PTDSS2: variants seen among roughly 807,000 people sequenced by gnomAD.
The protein encoded by PTDSS2 is phosphatidylserine synthase 2, also known as PSS-2.
Under a neutral mutation model 64.7 loss-of-function variants are expected in PTDSS2, and 41 were observed. The ratio of observed to expected loss-of-function variants is 0.63; its 90% CI spans 0.49 to 0.82. PTDSS2 has a LOEUF of 0.82. Among genes scored for constraint, PTDSS2 ranks in the 40% least tolerant of loss-of-function variants. PTDSS2 has a pLI of 0.00. For synonymous variants in PTDSS2, 297 were observed against 277.8 expected (o/e 1.07, Z -0.69); for missense variants, 485 against 650.0 (o/e 0.75, Z 2.76).
At chr11:474,327 C>T (rs1847620395) in intron 3 of PTDSS2, among the ~76,000 whole-genome samples, 1 of 149,194 alleles carries the variant, frequency 6.7e-6, no homozygotes, top group South Asian at 2.1e-4. Flanking sequence ...GTGAGGGCAC[C>T]AGATGGGGCT....
At chr11:487,247 C>A (rs932652296) in intron 5 of PTDSS2, 173 bp from the exon 6 acceptor site, 2 of 937,544 alleles carry the variant, frequency 2.1e-6, no homozygotes, top group African/African-American at 1.6e-5. Context: ...CAGGGGGCCC[C>A]TGCTCTCTAG....
intron 2 of PTDSS2, among the ~76,000 whole-genome samples, chr11:466,316 CTG>C (rs1424998596): frequency 1.3e-5 from 2 of 151,886 alleles, no homozygotes; most frequent in East Asian, 1.9e-4. Flanking sequence ...CGTACAATCA[CTG>C]TGGAAGGCAA....
At chr11:487,263 C>T (rs886135963) in intron 5 of PTDSS2, 157 bp from the exon 6 acceptor site, 19 of 915,158 alleles carry the variant, frequency 2.1e-5, no homozygotes, top group Non-Finnish European at 3.1e-5. Flanking sequence ...TCTAGGCTGT[C>T]GTGGACGTGG....
At chr11:466,651 C>T (rs568735216) in intron 2 of PTDSS2, among the ~76,000 whole-genome samples, 40 of 152,116 alleles carry the variant, frequency 2.6e-4, no homozygotes, top group African/African-American at 9.2e-4. Context: ...TCAAGTGATC[C>T]GCCCACCTCG....
At chr11:449,085 T>TTTTTG (rs1846211444), upstream of PTDSS2, among the ~76,000 whole-genome samples, 1 of 151,426 alleles carries the variant, frequency 6.6e-6, no homozygotes, top group Non-Finnish European at 1.5e-5. Context: ...TTTTTTTTTT[T>TTTTTG]GAGACGGAGT....
chr11:456,083 G>T, intron 1 of PTDSS2, among the ~76,000 whole-genome samples: 1 of 152,126 alleles, frequency 6.6e-6, no homozygotes, highest in Non-Finnish European at 1.5e-5. Flanking sequence ...CAGAGCCACC[G>T]CGCTCCTGGC....
chr11:454,310 C>T (rs530486531), intron 1 of PTDSS2, among the ~76,000 whole-genome samples: 3 of 152,238 alleles, frequency 2.0e-5, no homozygotes, highest in South Asian at 4.1e-4. Flanking sequence ...GCTGGGCACT[C>T]GGTGGCCACC....
chr11:477,937 C>T (rs1161882226), intron 3 of PTDSS2, among the ~76,000 whole-genome samples: 1 of 152,224 alleles, frequency 6.6e-6, no homozygotes, highest in Admixed American at 6.5e-5. Flanking sequence ...CTAAGAACGC[C>T]AGGGCGTTTG....
chr11:454,472 G>C (rs535013827), intron 1 of PTDSS2, among the ~76,000 whole-genome samples: 9 of 152,304 alleles, frequency 5.9e-5, no homozygotes, highest in African/African-American at 2.2e-4. Flanking sequence ...GTGAGTGTTG[G>C]GTTGGTGGCC....
At chr11:468,799 CTCTGGGTAATCGGAGGAGGGGAG>C (rs1316906105) in intron 2 of PTDSS2, among the ~76,000 whole-genome samples, 21 of 117,474 alleles carry the variant, frequency 1.8e-4, no homozygotes, top group African/African-American at 5.1e-4. Context: ...GGAGGGGAGT[CTCTGGGTAATCGGAGGAGGGGAG>C]TCTGGGTAAT....
In PTDSS2 at chr11:460,485, A is replaced by G. The variant is rs1846826606; in HGVS notation, c.284+197A>G. 1 of 560,452 alleles carries G rather than the reference A, an allele frequency of 1.8e-6. No individual in the cohort carries two copies. The highest frequency in any genetic ancestry group is 3.2e-6 in the Non-Finnish European group (1 of 310,888). 34.7% of individuals were successfully genotyped at this position (560,452 alleles called of 1,614,324 possible). A position where few individuals can be genotyped will look rare whatever the true frequency, so the allele number is the denominator to read the frequency against. ...TTGGTGCTGCGTGGCGTTCCCGGTC[A>G]GCCCCCGTCGCCTGTCACTGGGAGC... On this transcript the variant is annotated intron_variant, in intron 2 of 11. Transcript: ENST00000308020. This position sits in a 1 kb window ranked among gnomAD's most constrained non-coding sequence, Gnocchi z 5.8.
At chr11:487,258 G>A (rs1848436097) in intron 5 of PTDSS2, 162 bp from the exon 6 acceptor site, 1 of 911,118 alleles carries the variant, frequency 1.1e-6, no homozygotes, top group Non-Finnish European at 1.7e-6. Flanking sequence ...TGCTCTCTAG[G>A]CTGTCGTGGA....
intron 8 of PTDSS2, among the ~76,000 whole-genome samples, chr11:489,177 T>C (rs1173440173): frequency 1.3e-5 from 2 of 152,148 alleles, no homozygotes; most frequent in African/African-American, 2.4e-5. Flanking sequence ...AAGCAGGGCT[T>C]GTAGCTGGGT....
intron 2 of PTDSS2, among the ~76,000 whole-genome samples, chr11:466,545 C>G (rs1264350274): frequency 6.6e-6 from 1 of 151,744 alleles, no homozygotes; most frequent in East Asian, 1.9e-4. Context: ...GTAGCTGGGA[C>G]TACAGGCATG....
chr11:481,351 A>G (rs964374566), intron 4 of PTDSS2, among the ~76,000 whole-genome samples: 2 of 152,204 alleles, frequency 1.3e-5, no homozygotes, highest in African/African-American at 4.8e-5. Flanking sequence ...GCGTTTCCAA[A>G]TGAATGTGAG....
rs2133773991 is a variant in PTDSS2, at chr11:462,647, T to C, written c.284+2359T>C. ...TGAAATTGCCGTGGTGCACCTGTCC[T>C]GAGTCCATTCTCATGGCCTGGACCC... On this transcript the variant is annotated intron_variant, in intron 2 of 11. Coordinates refer to ENST00000308020, the MANE Select transcript of PTDSS2 (RefSeq NM_030783.3). The surrounding 1 kb of genome is among the most constrained non-coding windows in gnomAD (Gnocchi z 4.5). Among the ~76,000 whole-genome samples the C allele has an allele frequency of 6.6e-6, 1 of 152,278 alleles. No homozygotes were observed.
chr11:475,148 C>CACATTCACGTGTTTGTGTGTA (rs1847702936), intron 3 of PTDSS2, among the ~76,000 whole-genome samples: 6 of 135,304 alleles, frequency 4.4e-5, no homozygotes, highest in South Asian at 2.4e-4. Flanking sequence ...TTGTGTGATA[C>CACATTCACGTGTTTGTGTGTA]GGACATATTC....
At chr11:455,608 T>C (rs936134828) in intron 1 of PTDSS2, among the ~76,000 whole-genome samples, 2 of 152,148 alleles carry the variant, frequency 1.3e-5, no homozygotes, top group Non-Finnish European at 2.9e-5. Context: ...TTTGGAGAGG[T>C]CCCTGCTGTT....
intron 2 of PTDSS2, chr11:463,133 C>T (rs1846968338): frequency 1.3e-5 from 2 of 150,666 alleles, no homozygotes; most frequent in African/African-American, 4.9e-5. Context: ...CACTACTGCA[C>T]TCCACCTGCC....
Sources: gnomAD v4.1 joint callset for allele counts (sites outside exome capture counted in the v4.1 genomes callset) on GRCh38, gnomAD v4.1.1 for gene constraint, Gnocchi (gnomAD v3.1) non-coding constraint, MANE v1.5 for transcripts, NCBI Gene and HGNC (gene_info 2026-07-23, HGNC 2026-07-21) for gene names.